Variants in ESPNL observed in about 807,000 individuals in gnomAD.
ESPNL encodes espin like, also known as espin-like protein.
In ESPNL, 49 loss-of-function variants were observed where a neutral mutation model predicts 46.8. The observed-to-expected ratio is 1.05, with a 90% confidence interval of 0.83 to 1.33. The LOEUF (loss-of-function observed/expected upper bound fraction) is 1.33. Among genes scored for constraint, ESPNL ranks in the 40% most tolerant of loss-of-function variants. ESPNL has a pLI of 0.00. For synonymous variants in ESPNL, 664 were observed against 662.1 expected (o/e 1.00, Z -0.04); for missense variants, 1,540 against 1,436.6 (o/e 1.07, Z -1.16).
chr2:238,126,034 CTGTG>C (rs1201034975), intron 6 of ESPNL, among the ~76,000 whole-genome samples: 3 of 138,864 alleles, frequency 2.2e-5, no homozygotes, highest in African/African-American at 5.2e-5. Flanking sequence ...GTCTGTGTGT[CTGTG>C]TGATTATGTC....
intron 5 of ESPNL, 88 bp downstream of exon 5, chr2:238,117,122 G>A: frequency 2.0e-6 from 3 of 1,479,556 alleles, no homozygotes; most frequent in African/African-American, 1.4e-5. Context: ...CTGCAGCATA[G>A]TCAGCTGGGA....
chr2:238,126,201 T>C (rs1446006312), intron 6 of ESPNL, among the ~76,000 whole-genome samples: 1 of 115,542 alleles, frequency 8.7e-6, no homozygotes, highest in Non-Finnish European at 1.8e-5. Context: ...TGTCTGTGAT[T>C]GTGTCTCTCT....
At chr2:238,119,410 G>GGATGGAGGAGGGTA (rs1267503405) in intron 5 of ESPNL, among the ~76,000 whole-genome samples, 1 of 133,114 alleles carries the variant, frequency 7.5e-6, no homozygotes. Context: ...TGGAGGAGGT[G>GGATGGAGGAGGGTA]GATGGAGGAG....
chr2:238,108,949 G>A (rs1369550801), intron 4 of ESPNL, among the ~76,000 whole-genome samples: 1 of 152,130 alleles, frequency 6.6e-6, no homozygotes, highest in Admixed American at 6.5e-5. Context: ...CCTCCCGGCA[G>A]CGCTGCTGAA....
Position 238,107,878 on chromosome 2 carries a change from A to G in ESPNL, c.760A>G (p.Ile254Val). ...HFAARGGHTPILDRLLLMGTP... is the reference protein window; with the variant it reads ...HFAARGGHTPVLDRLLLMGTP... ...TGCAGCCCGAGGCGGCCACACGCCC[A>G]TTCTAGACCGACTCCTGCTCATGGG... Residue 254 changes from isoleucine to valine, a missense_variant, in exon 4 of 9, where the codon ATT (isoleucine) becomes GTT (valine). Ile to Val is a conservative substitution (Grantham distance 29, BLOSUM62 3). Coordinates refer to ENST00000343063, the MANE Select transcript of ESPNL (RefSeq NM_194312.4). 7 of 1,612,420 alleles carry G rather than the reference A, an allele frequency of 4.3e-6. 1 individual carries two copies. Among genetic ancestry groups the G allele is most frequent in the East Asian group, 2.2e-5 (1 of 44,862 alleles).
At chr2:238,102,475 G>A (rs986193702) in intron 2 of ESPNL, among the ~76,000 whole-genome samples, 6 of 152,162 alleles carry the variant, frequency 3.9e-5, no homozygotes, top group South Asian at 2.1e-4. Flanking sequence ...AGCTGGGGAC[G>A]TGGGCAGCTG....
chr2:238,107,672 G>A (rs917580121), intron 3 of ESPNL, 119 bp from the exon 4 acceptor site: 4 of 1,062,856 alleles, frequency 3.8e-6, no homozygotes, highest in African/African-American at 1.6e-5. Context: ...TCCTGAGGTT[G>A]TACCCTGTGC....
chr2:238,105,103 C>T (rs12613823), intron 3 of ESPNL, among the ~76,000 whole-genome samples: 1 of 152,150 alleles, frequency 6.6e-6, no homozygotes, highest in Admixed American at 6.5e-5. Flanking sequence ...CCCTCTCTCC[C>T]TGGAAGTCCT....
intron 2 of ESPNL, among the ~76,000 whole-genome samples, chr2:238,103,260 CA>C (rs901598056): frequency 2.0e-5 from 3 of 152,172 alleles, no homozygotes; most frequent in Non-Finnish European, 2.9e-5. Flanking sequence ...TCCATCTCTA[CA>C]AAAAAATTTA....
chr2:238,107,795 C>T lies in ESPNL; in HGVS notation c.677C>T (p.Thr226Ile). Reference protein sequence around the residue: ...GHYSLVVWLVTFTDIGLTARD... With the variant: ...GHYSLVVWLVIFTDIGLTARD... ...CCTCTGCCCCTCCTTCCCCAGGTCA[C>T]ATTCACCGACATCGGACTCACGGCA... The change falls in exon 4 of 9, where the codon ACA becomes ATA. Residue 226 changes from threonine (T) to isoleucine (I), a missense_variant. Transcript: ENST00000343063. The T allele has an allele frequency of 6.3e-7, 1 of 1,586,772 alleles. No homozygotes were observed. Among genetic ancestry groups the T allele is most frequent in the East Asian group, 2.3e-5 (1 of 43,510 alleles).
At chr2:238,129,121 C>T (rs1692217446) in intron 8 of ESPNL, 3 of 1,405,822 alleles carry the variant, frequency 2.1e-6, no homozygotes, top group South Asian at 3.3e-5. Context: ...GCATGGGTCC[C>T]ACGTATCCTT....
rs945482040 is a variant in ESPNL at position 238,132,970 on chromosome 2, A to G, written c.*1238A>G. 2 of 152,278 alleles carry G rather than the reference A, an allele frequency of 1.3e-5. No individual in the cohort carries two copies. Among genetic ancestry groups the G allele is most frequent in the East Asian group, 1.9e-4 (1 of 5,198 alleles). The allele number at this position is 152,278 out of a possible 1,614,324, so 9.4% of individuals were successfully genotyped here. A position where few individuals can be genotyped will look rare whatever the true frequency, so the allele number is the denominator to read the frequency against. On this transcript the variant is annotated 3_prime_UTR_variant, in exon 9 of 9. Transcript: ENST00000343063. Reference sequence around the variant, plus strand: ...AGGCTTATCAGGACTCCCTGCCTCAATCCCTGGGGATTGTCCAGGCAAAAC... The same window carrying G: ...AGGCTTATCAGGACTCCCTGCCTCAGTCCCTGGGGATTGTCCAGGCAAAAC...
At chr2:238,117,293 C>T (rs1304114134) in intron 5 of ESPNL, among the ~76,000 whole-genome samples, 1 of 152,144 alleles carries the variant, frequency 6.6e-6, no homozygotes, top group Non-Finnish European at 1.5e-5. Context: ...AGGGCTGTGA[C>T]AAGGACAGGG....
At position 238,131,428 on chromosome 2, in the gene ESPNL, C is replaced by A. The variant is rs1692333347; in HGVS notation, c.2714C>A (p.Thr905Asn). The part of the protein sequence containing the change: ...EAVRAFHKAV[T>N]DEVAAGRRAW... ...GTGCGCGCCTTCCACAAGGCCGTGA[C>A]CGACGAGGTGGCCGCCGGCCGCCGG... The change falls in exon 9 of 9, where the codon ACC (threonine) becomes AAC (asparagine). Residue 905 changes from threonine (T) to asparagine (N), a missense_variant. Coordinates refer to ENST00000343063, the MANE Select transcript of ESPNL (RefSeq NM_194312.4). The A allele has an allele frequency of 1.2e-6, 2 of 1,608,908 alleles. No individual in the cohort carries two copies. The highest frequency in any genetic ancestry group is 8.5e-7 in the Non-Finnish European group (1 of 1,178,060).
intron 5 of ESPNL, among the ~76,000 whole-genome samples, chr2:238,119,104 G>GA (rs1691910344): frequency 8.2e-6 from 1 of 122,520 alleles, no homozygotes; most frequent in Non-Finnish European, 1.6e-5. Context: ...GATGGAAGAG[G>GA]ATGGATGGAG....
chr2:238,111,341 C>T (rs752777049), intron 4 of ESPNL, among the ~76,000 whole-genome samples: 19 of 152,224 alleles, frequency 1.2e-4, no homozygotes, highest in Non-Finnish European at 2.1e-4. Flanking sequence ...GCACACACTT[C>T]AGCAGCGCTA....
chr2:238,131,781 G>A lies in ESPNL; in HGVS notation c.*49G>A, dbSNP rs771057500. On this transcript the variant is annotated 3_prime_UTR_variant, in exon 9 of 9. Transcript: ENST00000343063. ...GAATGTGGTTTGGGGGTGACTTGGA[G>A]TTTCTCTTTTCTTTTCCTTGCTCAC... The A allele has an allele frequency of 8.5e-6, 13 of 1,528,964 alleles. No homozygotes were observed. The highest frequency in any genetic ancestry group is 2.0e-5 in the Admixed American group (1 of 49,882). The allele number at this position is 1,528,964 out of a possible 1,614,324, so 94.7% of individuals were successfully genotyped here.
At chr2:238,106,541 G>C (rs1221391865) in intron 3 of ESPNL, among the ~76,000 whole-genome samples, 3 of 152,202 alleles carry the variant, frequency 2.0e-5, no homozygotes, top group Non-Finnish European at 4.4e-5. Flanking sequence ...CCTCCTGCTG[G>C]AGCAGCCTAC....
chr2:238,109,503 A>G (rs1437034550), intron 4 of ESPNL, among the ~76,000 whole-genome samples: 3 of 152,222 alleles, frequency 2.0e-5, no homozygotes, highest in African/African-American at 7.2e-5. Context: ...GGCGCACGCC[A>G]CCACGCCCAG....
Sources: allele counts gnomAD v4.1 joint callset (sites outside exome capture counted in the v4.1 genomes callset), GRCh38; gene constraint gnomAD v4.1.1; transcripts MANE v1.5; gene names NCBI Gene and HGNC (gene_info 2026-07-23, HGNC 2026-07-21).